ELF1: variants seen among roughly 807,000 people sequenced by gnomAD.
ELF1 encodes ETS-related transcription factor Elf-1.
Under a neutral mutation model 59.9 loss-of-function variants are expected in ELF1, and 24 were observed. The observed-to-expected ratio is 0.40, with a 90% CI of 0.29 to 0.56. The LOEUF (loss-of-function observed/expected upper bound fraction) is 0.56, where lower values mean the gene tolerates loss of function less well. ELF1 is among the 20% of genes least tolerant of loss of function. The pLI, the probability that ELF1 is intolerant of heterozygous loss-of-function variation, is 0.44. For synonymous variants in ELF1, 248 were observed against 266.2 expected (o/e 0.93, Z 0.67); for missense variants, 627 against 742.2 (o/e 0.84, Z 1.80).
chr13:41,000,187 T>A (rs1362225227), intron 1 of ELF1, among the ~76,000 whole-genome samples: 3 of 150,796 alleles, frequency 2.0e-5, no homozygotes, highest in African/African-American at 4.9e-5. Context: ...ATTCAGAAGA[T>A]GCTTTTGTAA....
rs547641308 is a variant in ELF1 at position 40,951,177 on chromosome 13, T to G, written c.361+152A>C. 7.2e-6 allele frequency: 4 copies of G among 554,264 alleles called. No individual in the cohort carries two copies. In the South Asian group the frequency reaches 1.4e-4, roughly 20 times the overall value. 34.3% of individuals were successfully genotyped at this position (554,264 alleles called of 1,614,324 possible). ...AATGTCATCTTTAACTCTACGTTTTTGCAAAGGCACCTCAATTCCTACTAT... is the reference window on the plus strand; with the variant it reads ...AATGTCATCTTTAACTCTACGTTTTGGCAAAGGCACCTCAATTCCTACTAT... On this transcript the variant is annotated intron_variant, in intron 4 of 8. Transcript: ENST00000239882.
At chr13:41,024,385 G>A (rs989748816) in intron 1 of ELF1, among the ~76,000 whole-genome samples, 1 of 152,050 alleles carries the variant, frequency 6.6e-6, no homozygotes, top group African/African-American at 2.4e-5. Context: ...GCAGTGGCAG[G>A]ACCTTGGCAC....
At chr13:40,939,128 G>C (rs899253628) in intron 8 of ELF1, among the ~76,000 whole-genome samples, 1 of 151,942 alleles carries the variant, frequency 6.6e-6, no homozygotes, top group Non-Finnish European at 1.5e-5. Context: ...GTTGGTCTTG[G>C]TTCAAGACCA....
At chr13:41,009,266 G>A (rs1000443366) in intron 1 of ELF1, among the ~76,000 whole-genome samples, 1 of 151,604 alleles carries the variant, frequency 6.6e-6, no homozygotes, top group Non-Finnish European at 1.5e-5. Context: ...TAAAGACGAT[G>A]CAAAGATCAT....
chr13:40,990,179 CA>C (rs1410520855), intron 1 of ELF1, among the ~76,000 whole-genome samples: 1 of 152,134 alleles, frequency 6.6e-6, no homozygotes, highest in Admixed American at 6.5e-5. Context: ...GGAAATACAT[CA>C]GGTCTTTTAC....
chr13:40,967,818 T>C (rs1167440834), intron 2 of ELF1, among the ~76,000 whole-genome samples: 5 of 151,966 alleles, frequency 3.3e-5, no homozygotes, highest in Non-Finnish European at 7.4e-5. Flanking sequence ...CGCAAACTCC[T>C]AGGCTCAAGC....
chr13:41,029,360 G>A (rs1408638285), intron 1 of ELF1, among the ~76,000 whole-genome samples: 3 of 152,198 alleles, frequency 2.0e-5, no homozygotes, highest in Non-Finnish European at 4.4e-5. Flanking sequence ...GGGTATGTCT[G>A]TGAGGATGAG....
At chr13:41,055,896 T>C (rs1049938346) in intron 1 of ELF1, among the ~76,000 whole-genome samples, 14 of 152,244 alleles carry the variant, frequency 9.2e-5, no homozygotes, top group African/African-American at 3.4e-4. Flanking sequence ...TTCACCATGT[T>C]GCCCAGGCTG....
intron 1 of ELF1, among the ~76,000 whole-genome samples, chr13:41,028,794 C>T (rs1305793469): frequency 2.6e-5 from 4 of 152,070 alleles, no homozygotes; most frequent in African/African-American, 7.2e-5. Context: ...AGTGAAGTGG[C>T]GCAATCTTGG....
intron 1 of ELF1, among the ~76,000 whole-genome samples, chr13:41,048,865 T>C (rs370032425): frequency 4.7e-4 from 72 of 152,120 alleles, no homozygotes; most frequent in African/African-American, 1.5e-3. Flanking sequence ...GTGTATATAC[T>C]GTCCTCACCT....
exon 1 of ELF1, chr13:41,061,299 C>T: frequency 5.6e-6 from 2 of 354,250 alleles, no homozygotes; most frequent in Admixed American, 4.4e-5. Flanking sequence ...GTTTTGGGCC[C>T]CAGGGGAGGA....
intron 2 of ELF1, among the ~76,000 whole-genome samples, chr13:40,968,702 T>C (rs938286492): frequency 1.3e-4 from 20 of 151,988 alleles, no homozygotes; most frequent in African/African-American, 4.8e-4. Flanking sequence ...TCAAGCTCCC[T>C]GTAAACACTT....
At chr13:41,040,059 TTA>T (rs1876541801) in intron 1 of ELF1, among the ~76,000 whole-genome samples, 1 of 152,228 alleles carries the variant, frequency 6.6e-6, no homozygotes. Context: ...CATATTTTAT[TTA>T]TGAGAGTCCA....
rs557787448 is a variant in ELF1 at position 40,974,783 on chromosome 13, C to T, written c.72+7200G>A. 3.9e-4 allele frequency among the ~76,000 whole-genome samples: 60 copies of T among 152,286 alleles called. No homozygotes were observed. In the South Asian group the frequency reaches 0.012, roughly 29 times the overall value. ...CTCCACACTGACTCCTCTTTCATAA[C>T]AACTATCAGCCTCCTTGCTGCCAAG... On this transcript the variant is annotated intron_variant, in intron 2 of 8. Coordinates refer to ENST00000239882, the MANE Select transcript of ELF1 (RefSeq NM_172373.4).
At chr13:40,995,874 A>G (rs1385270056) in intron 1 of ELF1, among the ~76,000 whole-genome samples, 3 of 152,198 alleles carry the variant, frequency 2.0e-5, no homozygotes, top group Non-Finnish European at 4.4e-5. Context: ...GCTGGACTTC[A>G]TTAAAATTAA....
At chr13:41,053,219 T>C (rs1267797877) in intron 1 of ELF1, among the ~76,000 whole-genome samples, 3 of 151,866 alleles carry the variant, frequency 2.0e-5, no homozygotes, top group African/African-American at 7.3e-5. Context: ...CCGGGTATGG[T>C]GGTGCACGCC....
chr13:40,965,431 G>A (rs1872115019), intron 2 of ELF1, among the ~76,000 whole-genome samples: 1 of 152,088 alleles, frequency 6.6e-6, no homozygotes, highest in African/African-American at 2.4e-5. Flanking sequence ...AGACCAGCCT[G>A]GCCAACATGA....
intron 3 of ELF1, among the ~76,000 whole-genome samples, chr13:40,952,512 C>A (rs113875482): frequency 1.3e-5 from 2 of 151,948 alleles, no homozygotes; most frequent in Non-Finnish European, 2.9e-5. Context: ...CAGTCTCAGG[C>A]CACCATGCCC....
At chr13:41,012,207 G>C (rs759765641) in intron 1 of ELF1, among the ~76,000 whole-genome samples, 1 of 150,808 alleles carries the variant, frequency 6.6e-6, no homozygotes, top group African/African-American at 2.4e-5. Flanking sequence ...CAGCTACTTC[G>C]GAGGCCGAGG....
Sources: allele counts gnomAD v4.1 joint callset (sites outside exome capture counted in the v4.1 genomes callset), GRCh38; gene constraint gnomAD v4.1.1; transcripts MANE v1.5; gene names NCBI Gene and HGNC (gene_info 2026-07-23, HGNC 2026-07-21).